NELL1: variants seen among roughly 807,000 people sequenced by gnomAD.
NELL1 encodes the protein protein kinase C-binding protein NELL1.
A neutral mutation model predicts 107.4 loss-of-function variants in NELL1; 76 were observed. The ratio of observed to expected loss-of-function variants is 0.71; its 90% CI spans 0.59 to 0.86. The LOEUF (loss-of-function observed/expected upper bound fraction) is 0.86. Ranked by LOEUF, NELL1 falls within the 40% of genes least tolerant of loss-of-function variation. The pLI, the probability that NELL1 is intolerant of heterozygous loss-of-function variation, is 0.00. For missense variants in NELL1, 1,024 were observed against 1,005.5 expected (o/e 1.02, Z -0.25); for synonymous variants, 353 against 341.2 (o/e 1.03, Z -0.38).
intron 9 of NELL1, among the ~76,000 whole-genome samples, chr11:20,928,865 T>A (rs555180894): frequency 5.9e-5 from 9 of 152,210 alleles, no homozygotes; most frequent in Non-Finnish European, 1.2e-4. Context: ...GGCCAAATTC[T>A]GTATTTTGGC....
At chr11:21,474,825 A>G (rs1438085553) in intron 15 of NELL1, among the ~76,000 whole-genome samples, 1 of 152,188 alleles carries the variant, frequency 6.6e-6, no homozygotes, top group African/African-American at 2.4e-5. Context: ...TACACATAGT[A>G]ATCATTAATG....
At chr11:21,357,358 G>A (rs1477619758) in intron 14 of NELL1, among the ~76,000 whole-genome samples, 1 of 152,140 alleles carries the variant, frequency 6.6e-6, no homozygotes, top group Non-Finnish European at 1.5e-5. Flanking sequence ...TCTTGCAGGA[G>A]TGAGGTAGCT....
intron 2 of NELL1, among the ~76,000 whole-genome samples, chr11:20,728,165 C>T (rs1175601038): frequency 1.3e-5 from 2 of 151,430 alleles, no homozygotes; most frequent in South Asian, 2.1e-4. Flanking sequence ...TTGTTTTTTG[C>T]CTGTTCAGTT....
chr11:20,870,686 G>A (rs1284760229), intron 4 of NELL1, among the ~76,000 whole-genome samples: 1 of 152,104 alleles, frequency 6.6e-6, no homozygotes, highest in African/African-American at 2.4e-5. Flanking sequence ...CTTCCACAAT[G>A]AACAATAACT....
intron 15 of NELL1, among the ~76,000 whole-genome samples, chr11:21,431,493 A>G (rs182881462): frequency 6.6e-6 from 1 of 152,308 alleles, no homozygotes; most frequent in East Asian, 1.9e-4. Context: ...ATGTTTATTG[A>G]CTATATGAAT....
intron 2 of NELL1, among the ~76,000 whole-genome samples, chr11:20,755,913 G>C: frequency 9.2e-6 from 1 of 108,188 alleles, no homozygotes; most frequent in African/African-American, 3.5e-5. Flanking sequence ...TTTTTTATGA[G>C]ACGGAGTCTC....
chr11:21,060,986 C>T (rs531889760), intron 12 of NELL1, among the ~76,000 whole-genome samples: 4 of 152,314 alleles, frequency 2.6e-5, no homozygotes, highest in East Asian at 1.9e-4. Context: ...CCGCCTGCCT[C>T]GGCATCCCAA....
At chr11:21,494,808 A>C (rs1023697300) in intron 15 of NELL1, among the ~76,000 whole-genome samples, 1 of 151,976 alleles carries the variant, frequency 6.6e-6, no homozygotes, top group Non-Finnish European at 1.5e-5. Flanking sequence ...AAATCTTATA[A>C]ACATTGTTTT....
intron 2 of NELL1, among the ~76,000 whole-genome samples, chr11:20,760,393 G>T (rs547200124): frequency 6.6e-6 from 1 of 152,332 alleles, no homozygotes; most frequent in Non-Finnish European, 1.5e-5. Flanking sequence ...CCACTGATCA[G>T]CCAGCTTTAG....
intron 3 of NELL1, among the ~76,000 whole-genome samples, chr11:20,825,872 CTA>C (rs1355935870): frequency 1.3e-5 from 2 of 151,166 alleles, no homozygotes; most frequent in African/African-American, 4.8e-5. Context: ...TGGTCCGGCT[CTA>C]TGTCCCCACC....
intron 15 of NELL1, among the ~76,000 whole-genome samples, chr11:21,499,939 A>AGG (rs1855093149): frequency 6.6e-6 from 1 of 152,130 alleles, no homozygotes; most frequent in Non-Finnish European, 1.5e-5. Flanking sequence ...GCTTGCTGAC[A>AGG]TCTTCTAGGA....
At position 21,264,812 on chromosome 11, in the gene NELL1, C is replaced by A. The variant is rs1590785617; in HGVS notation, c.1549+35358C>A. 2.0e-5 allele frequency among the ~76,000 whole-genome samples: 3 copies of A among 151,858 alleles called. No homozygotes were observed. In the Middle Eastern group the frequency reaches 0.01, roughly 520 times the overall value. ...CAGATACTTTTACCAGAGAGCACTT[C>A]ATTGACTCATGTATCCTTTCATTAT... On this transcript the variant is annotated intron_variant, in intron 14 of 19. Coordinates refer to ENST00000357134, the MANE Select transcript of NELL1 (RefSeq NM_006157.5).
intron 12 of NELL1, among the ~76,000 whole-genome samples, chr11:21,055,696 T>G (rs763026471): frequency 7.2e-5 from 11 of 152,096 alleles, no homozygotes; most frequent in Non-Finnish European, 1.6e-4. Context: ...CAGGAGGGAT[T>G]GGTTAAACAT....
chr11:21,198,823 G>A (rs548711148), intron 13 of NELL1, among the ~76,000 whole-genome samples: 1 of 152,038 alleles, frequency 6.6e-6, no homozygotes, highest in East Asian at 1.9e-4. Flanking sequence ...TTTCATGAAG[G>A]GTCACTTCCT....
chr11:21,302,575 G>A (rs1849516720), intron 14 of NELL1, among the ~76,000 whole-genome samples: 1 of 151,886 alleles, frequency 6.6e-6, no homozygotes, highest in Non-Finnish European at 1.5e-5. Flanking sequence ...TTATTATTTT[G>A]GCTTCTGCCT....
chr11:21,190,077 G>A (rs528165491), intron 13 of NELL1, among the ~76,000 whole-genome samples: 1 of 151,896 alleles, frequency 6.6e-6, no homozygotes, highest in South Asian at 2.1e-4. Context: ...TGCAGGCAGG[G>A]TGCGGTGGCT....
intron 14 of NELL1, among the ~76,000 whole-genome samples, chr11:21,331,948 T>C (rs1477345078): frequency 6.6e-6 from 1 of 152,056 alleles, no homozygotes; most frequent in Non-Finnish European, 1.5e-5. Context: ...TCTTTGGCGC[T>C]CTTTCCCCTT....
intron 12 of NELL1, among the ~76,000 whole-genome samples, chr11:21,098,244 C>T (rs1854700346): frequency 6.6e-6 from 1 of 152,188 alleles, no homozygotes; most frequent in Non-Finnish European, 1.5e-5. Flanking sequence ...CTTACCTTCT[C>T]CTTTATCCAT....
At chr11:21,563,457 A>G (rs1450532267) in intron 17 of NELL1, among the ~76,000 whole-genome samples, 1 of 152,068 alleles carries the variant, frequency 6.6e-6, no homozygotes, top group Admixed American at 6.6e-5. Flanking sequence ...AAGGGGAAGC[A>G]TAGTCTGCCC....
Sources: allele counts gnomAD v4.1 joint callset (sites outside exome capture counted in the v4.1 genomes callset), GRCh38; gene constraint gnomAD v4.1.1; transcripts MANE v1.5; gene names NCBI Gene and HGNC (gene_info 2026-07-23, HGNC 2026-07-21).